Variants in PCM1 observed in about 807,000 individuals in gnomAD.
PCM1 encodes pericentriolar material 1 protein.
Under a neutral mutation model 241.9 loss-of-function variants are expected in PCM1, and 157 were observed. That is an observed-to-expected ratio of 0.65 (90% CI 0.57 to 0.74). The LOEUF is 0.74. Among genes scored for constraint, PCM1 ranks in the 30% least tolerant of loss-of-function variants. PCM1 has a pLI of 0.00. For missense variants in PCM1, 3,478 were observed against 2,360.1 expected, an observed-to-expected ratio of 1.47 and a Z score of -9.81; for synonymous variants, 1,085 against 784.9, an observed-to-expected ratio of 1.38 and a Z score of -6.39.
At chr8:17,982,652 G>A (rs10112522) in intron 24 of PCM1, 3 of 151,462 alleles carry the variant, frequency 2.0e-5, no homozygotes, top group East Asian at 2.0e-4. Flanking sequence ...GTGCCACCAC[G>A]CCCGGCTAAT....
rs2092355646 is a variant in PCM1, at chr8:18,010,684, T to C, written c.5220+16T>C. 5 of 1,580,390 alleles carry C rather than the reference T, an allele frequency of 3.2e-6. No individual in the cohort carries two copies. The Admixed American group carries it at 8.9e-5, about 28-fold the overall frequency. Reference sequence around the variant, plus strand: ...TGAAGACAAAGTATGTGCTAATTAATTTTTGCCTAAAAATATGGCTGGGCG... The same window carrying C: ...TGAAGACAAAGTATGTGCTAATTAACTTTTGCCTAAAAATATGGCTGGGCG... On this transcript the variant is annotated intron_variant, in intron 32 of 38. Transcript: ENST00000325083.
At chr8:17,929,316 C>G (rs1364971593) in intron 2 of PCM1, among the ~76,000 whole-genome samples, 1 of 152,118 alleles carries the variant, frequency 6.6e-6, no homozygotes, top group South Asian at 2.1e-4. Flanking sequence ...AGTGTATTAG[C>G]GTGTCCTTTT....
rs1415414345 is a variant in PCM1 at position 17,923,206 on chromosome 8, C to T, written c.-91+18C>T. The T allele has an allele frequency of 6.6e-6, 1 of 152,430 alleles. No homozygotes were observed. The highest frequency in any genetic ancestry group is 2.4e-5 in the African/African-American group (1 of 41,462). The allele number at this position is 152,430 out of a possible 1,614,324, so 9.4% of individuals were successfully genotyped here. ...TTGTAGAGGTAATGCCTGCGCGTCC[C>T]CAGCCCTTGGCAACCTAGGGCGGCG... On this transcript the variant is annotated intron_variant, in intron 1 of 38. Transcript: ENST00000325083.
At chr8:18,016,678 G>A (rs1331347409) in intron 36 of PCM1, among the ~76,000 whole-genome samples, 2 of 152,218 alleles carry the variant, frequency 1.3e-5, no homozygotes, top group Admixed American at 6.5e-5. Context: ...TGAATTGTAT[G>A]TAGGGAGTGA....
chr8:18,005,584 C>A (rs756267398), intron 29 of PCM1, among the ~76,000 whole-genome samples: 1 of 152,004 alleles, frequency 6.6e-6, no homozygotes, highest in African/African-American at 2.4e-5. Flanking sequence ...ATGGACTCAA[C>A]CTCAGAAAGT....
intron 29 of PCM1, 122 bp downstream of exon 29, chr8:17,993,741 C>G (rs932650505): frequency 1.4e-6 from 1 of 703,536 alleles, no homozygotes; most frequent in East Asian, 3.0e-5. Context: ...AACTATCACC[C>G]ATAATTTTTT....
At position 18,028,048 on chromosome 8, in the gene PCM1, G is replaced by T. The variant is rs1413300936; in HGVS notation, c.*386G>T. ...ATATAACTTTAGGCTGCTCAGAGAA[G>T]AGCAATGGTTAAGAGTTAGTTAGAG... On this transcript the variant is annotated 3_prime_UTR_variant, in exon 39 of 39. Transcript: ENST00000325083. 1 of 223,904 alleles carries T rather than the reference G, an allele frequency of 4.5e-6. No individual in the cohort carries two copies. Among genetic ancestry groups the T allele is most frequent in the East Asian group, 6.7e-5 (1 of 14,922 alleles). 13.9% of individuals were successfully genotyped at this position (223,904 alleles called of 1,614,324 possible). A position where few individuals can be genotyped will look rare whatever the true frequency, so the allele number is the denominator to read the frequency against.
Position 17,952,957 on chromosome 8 carries a change from T to A in PCM1, c.1072-13T>A, listed in dbSNP as rs773857652. 1 of 1,500,918 alleles carries A rather than the reference T, an allele frequency of 6.7e-7. No individual in the cohort carries two copies. The highest frequency in any genetic ancestry group is 9.0e-7 in the Non-Finnish European group (1 of 1,116,140). 93.0% of individuals were successfully genotyped at this position (1,500,918 alleles called of 1,614,324 possible). On this transcript the variant is annotated splice_polypyrimidine_tract_variant and intron_variant, in intron 8 of 38. Coordinates refer to ENST00000325083, the MANE Select transcript of PCM1 (RefSeq NM_006197.4). ...GTCTTAATTCTTCTTTTTTGTTGTT[T>A]TTTTTTAATAAGCCTCCAGCTGTTC...
At position 18,021,665 on chromosome 8, in the gene PCM1, C is replaced by T. The variant is rs566586382; in HGVS notation, c.5842-3696C>T. Among the ~76,000 whole-genome samples the T allele has an allele frequency of 5.3e-5, 8 of 152,300 alleles. No homozygotes were observed. In the South Asian group the frequency reaches 1.7e-3, roughly 32 times the overall value. On this transcript the variant is annotated intron_variant, in intron 36 of 38. Coordinates refer to ENST00000325083, the MANE Select transcript of PCM1 (RefSeq NM_006197.4). The stretch of plus-strand genomic sequence containing the variant: ...GCACTACCATTGGCCTTGTCATCCT[C>T]GGTCTTCTGGAAAGCTTGAATGGAC...
At chr8:18,027,220 T>G (rs2094297867) in intron 38 of PCM1, among the ~76,000 whole-genome samples, 1 of 152,230 alleles carries the variant, frequency 6.6e-6, no homozygotes, top group Admixed American at 6.5e-5. Flanking sequence ...TAGAATATGG[T>G]ACCCTTCTCA....
intron 5 of PCM1, 51 bp downstream of exon 5, chr8:17,939,060 CA>C (rs1286609661): frequency 1.3e-6 from 2 of 1,585,266 alleles, no homozygotes; most frequent in Non-Finnish European, 1.7e-6. Context: ...CTCAAAATAC[CA>C]ACAGTAAGGT....
At chr8:17,954,126 T>A (rs2067113354) in intron 9 of PCM1, among the ~76,000 whole-genome samples, 1 of 152,202 alleles carries the variant, frequency 6.6e-6, no homozygotes, top group Non-Finnish European at 1.5e-5. Flanking sequence ...TACAAACACA[T>A]GAATACAACT....
chr8:18,013,270 A>C (rs776330435), intron 34 of PCM1, among the ~76,000 whole-genome samples: 1 of 152,142 alleles, frequency 6.6e-6, no homozygotes, highest in African/African-American at 2.4e-5. Context: ...TCAGTATTCT[A>C]TTTAGGTTGG....
intron 1 of PCM1, among the ~76,000 whole-genome samples, chr8:17,924,408 A>G (rs1026905599): frequency 3.9e-5 from 6 of 152,236 alleles, no homozygotes; most frequent in African/African-American, 1.2e-4. Flanking sequence ...TCAGAGGAGT[A>G]AACTTTGGCA....
chr8:17,966,894 ATTTT>A, intron 20 of PCM1, 82 bp from the exon 21 acceptor site: 1 of 1,268,750 alleles, frequency 7.9e-7, no homozygotes, highest in Non-Finnish European at 1.1e-6. Context: ...CTTTTGAATC[ATTTT>A]TTTACATGTA....
At chr8:17,924,627 T>G (rs2056173487) in intron 1 of PCM1, 86 bp from the exon 2 acceptor site, 1 of 152,242 alleles carries the variant, frequency 6.6e-6, no homozygotes, top group Non-Finnish European at 1.5e-5. Flanking sequence ...TAAACATACT[T>G]TAGACCAAAA....
chr8:17,925,286 C>T (rs893802094), intron 2 of PCM1: 2 of 152,092 alleles, frequency 1.3e-5, no homozygotes. Context: ...ACTTTTAGCG[C>T]ATAGTACATT....
chr8:17,976,784 A>C (rs1435612562), intron 23 of PCM1, among the ~76,000 whole-genome samples: 3 of 152,016 alleles, frequency 2.0e-5, no homozygotes, highest in Non-Finnish European at 4.4e-5. Context: ...TAACATCCTT[A>C]TCTCTCATCA....
chr8:17,925,684 A>G (rs1260440209), intron 2 of PCM1: 1 of 152,252 alleles, frequency 6.6e-6, no homozygotes, highest in Non-Finnish European at 1.5e-5. Flanking sequence ...AAATACAAAA[A>G]AGATTAGCCA....
Sources: allele counts gnomAD v4.1 joint callset (sites outside exome capture counted in the v4.1 genomes callset), GRCh38; gene constraint gnomAD v4.1.1; transcripts MANE v1.5; gene names NCBI Gene and HGNC (gene_info 2026-07-23, HGNC 2026-07-21).